SLC25A26: variants seen among roughly 807,000 people sequenced by gnomAD.
SLC25A26 encodes the protein solute carrier family 25 member 26, also known as mitochondrial S-adenosylmethionine carrier protein.
Under a neutral mutation model 37.8 loss-of-function variants are expected in SLC25A26, and 36 were observed. That is an observed-to-expected ratio of 0.95 (90% CI 0.73 to 1.26). The LOEUF (loss-of-function observed/expected upper bound fraction) is 1.26. Among genes scored for constraint, SLC25A26 ranks in the 50% most tolerant of loss-of-function variants. The pLI, the probability that SLC25A26 is intolerant of heterozygous loss-of-function variation, is 0.00. For missense variants in SLC25A26, 390 were observed against 331.1 expected (o/e 1.18, Z -1.38); for synonymous variants, 129 against 122.5 (o/e 1.05, Z -0.35).
chr3:66,373,020 G>A lies in SLC25A26; in HGVS notation c.707+2418G>A, dbSNP rs116300065. Among the ~76,000 whole-genome samples, 814 of 152,268 alleles carry A rather than the reference G, an allele frequency of 5.3e-3. 7 individuals carry two copies. Among genetic ancestry groups the A allele is most frequent in the African/African-American group, 0.019 (772 of 41,532 alleles). On this transcript the variant is annotated intron_variant, in intron 9 of 9. Coordinates refer to ENST00000354883, the MANE Select transcript of SLC25A26 (RefSeq NM_001379210.1). ...ACGCAGGTGAAGACCTTGTTCTGGC[G>A]CATATGGGAGTACACATATAAACAG...
chr3:66,332,260 C>T (rs1382821403), intron 5 of SLC25A26, among the ~76,000 whole-genome samples: 5 of 152,110 alleles, frequency 3.3e-5, no homozygotes, highest in Admixed American at 6.6e-5. Flanking sequence ...GTTTAGCATG[C>T]ACCTACTCCT....
intron 6 of SLC25A26, among the ~76,000 whole-genome samples, chr3:66,346,708 CTGTGTGCG>C (rs1287715537): frequency 1.7e-5 from 2 of 116,778 alleles, no homozygotes; most frequent in African/African-American, 6.5e-5. Context: ...TTTCATTTTG[CTGTGTGCG>C]TGTGTGTGTG....
intron 1 of SLC25A26, among the ~76,000 whole-genome samples, chr3:66,230,835 A>T (rs868942187): frequency 6.7e-6 from 1 of 149,036 alleles, no homozygotes; most frequent in African/African-American, 2.5e-5. Flanking sequence ...AAAAACCAGA[A>T]TTTTAGACTG....
chr3:66,281,759 A>G (rs1184344401), intron 5 of SLC25A26, among the ~76,000 whole-genome samples: 2 of 148,422 alleles, frequency 1.3e-5, no homozygotes, highest in African/African-American at 5.0e-5. Context: ...ACTGTCCCAT[A>G]TTTGTCCAGT....
At chr3:66,285,598 T>C (rs1347791066) in intron 5 of SLC25A26, among the ~76,000 whole-genome samples, 2 of 150,600 alleles carry the variant, frequency 1.3e-5, no homozygotes, top group African/African-American at 2.5e-5. Context: ...TAGCTGGGAC[T>C]ACAGGCACCC....
At chr3:66,199,557 A>T (rs999161762) in intron 1 of SLC25A26, among the ~76,000 whole-genome samples, 9 of 151,772 alleles carry the variant, frequency 5.9e-5, no homozygotes, top group Middle Eastern at 6.8e-3. Context: ...CTATACTAAA[A>T]CTGACCCTGA....
intron 5 of SLC25A26, among the ~76,000 whole-genome samples, chr3:66,300,303 A>C (rs950896525): frequency 6.9e-6 from 1 of 145,216 alleles, no homozygotes; most frequent in Non-Finnish European, 1.5e-5. Context: ...GCCATTACCA[A>C]TATTACTTGA....
chr3:66,267,302 G>T (rs1288674968), intron 5 of SLC25A26, among the ~76,000 whole-genome samples: 1 of 152,238 alleles, frequency 6.6e-6, no homozygotes, highest in Non-Finnish European at 1.5e-5. Context: ...CCATAAGGGT[G>T]TGAAAGTACA....
intron 5 of SLC25A26, among the ~76,000 whole-genome samples, chr3:66,291,492 C>T (rs563408739): frequency 3.3e-5 from 5 of 152,202 alleles, no homozygotes; most frequent in Non-Finnish European, 5.9e-5. Context: ...CCAGAGATTC[C>T]GGTACGTTGT....
chr3:66,354,013 G>A (rs148491177), intron 6 of SLC25A26, among the ~76,000 whole-genome samples: 2 of 152,206 alleles, frequency 1.3e-5, no homozygotes, highest in East Asian at 3.9e-4. Flanking sequence ...TACGTTAACT[G>A]TTTTATTTGT....
At chr3:66,336,886 TAAG>T (rs1447498383) in intron 5 of SLC25A26, among the ~76,000 whole-genome samples, 1 of 152,170 alleles carries the variant, frequency 6.6e-6, no homozygotes, top group Non-Finnish European at 1.5e-5. Flanking sequence ...CTGCTTTTAT[TAAG>T]AACCTCAACT....
chr3:66,358,152 CTAGAG>C (rs920056440), intron 6 of SLC25A26, among the ~76,000 whole-genome samples: 3 of 152,174 alleles, frequency 2.0e-5, no homozygotes, highest in Non-Finnish European at 2.9e-5. Flanking sequence ...TGTCTTCCAG[CTAGAG>C]TATTTTGTTT....
chr3:66,315,077 T>G (rs2075497022), intron 5 of SLC25A26, among the ~76,000 whole-genome samples: 1 of 125,294 alleles, frequency 8.0e-6, no homozygotes, highest in South Asian at 2.6e-4. Context: ...CCTGGATTCT[T>G]TGATTTTTTT....
intron 1 of SLC25A26, among the ~76,000 whole-genome samples, chr3:66,180,773 T>C (rs904492293): frequency 6.6e-6 from 1 of 152,110 alleles, no homozygotes; most frequent in Non-Finnish European, 1.5e-5. Flanking sequence ...TATTTATCTA[T>C]TGCTTGTCTG....
intron 5 of SLC25A26, among the ~76,000 whole-genome samples, chr3:66,273,580 A>G (rs910504672): frequency 6.6e-6 from 1 of 152,188 alleles, no homozygotes; most frequent in African/African-American, 2.4e-5. Flanking sequence ...TCAATGTACA[A>G]AAATCACAAG....
chr3:66,301,295 A>G (rs2075068904), intron 5 of SLC25A26, among the ~76,000 whole-genome samples: 1 of 152,234 alleles, frequency 6.6e-6, no homozygotes, highest in Admixed American at 6.5e-5. Flanking sequence ...TTTGCTTGCC[A>G]AGTTGTTACA....
chr3:66,175,107 G>GTATATATATATATATA (rs1201695553), intron 1 of SLC25A26, among the ~76,000 whole-genome samples: 11 of 80,526 alleles, frequency 1.4e-4, no homozygotes, highest in Non-Finnish European at 2.2e-4. Context: ...ATATGTGTGT[G>GTATATATATATATATA]TGTATATATA....
intron 1 of SLC25A26, among the ~76,000 whole-genome samples, chr3:66,157,278 C>T (rs1559554237): frequency 6.6e-6 from 1 of 152,106 alleles, no homozygotes; most frequent in Non-Finnish European, 1.5e-5. Context: ...TTAATATATG[C>T]TAGGCAATGT....
At chr3:66,296,831 G>T (rs769248092) in intron 5 of SLC25A26, among the ~76,000 whole-genome samples, 1 of 152,314 alleles carries the variant, frequency 6.6e-6, no homozygotes, top group East Asian at 1.9e-4. Flanking sequence ...GATTGCAGAT[G>T]GGATGAGAAA....
Sources: gnomAD v4.1 joint callset for allele counts (sites outside exome capture counted in the v4.1 genomes callset) on GRCh38, gnomAD v4.1.1 for gene constraint, MANE v1.5 for transcripts, NCBI Gene and HGNC (gene_info 2026-07-23, HGNC 2026-07-21) for gene names.